CDH18: variants seen among roughly 807,000 people sequenced by gnomAD.
The protein encoded by CDH18 is cadherin 18, also known as cadherin-18.
A neutral mutation model predicts 67.9 loss-of-function variants in CDH18; 31 were observed. That is an observed-to-expected ratio of 0.46 (90% CI 0.34 to 0.62). CDH18 has a LOEUF of 0.62. Ranked by LOEUF, CDH18 falls within the 20% of genes least tolerant of loss-of-function variation. The probability of loss-of-function intolerance (pLI) is 0.01; values close to 1 mark genes in which losing one functional copy is unlikely to be tolerated. For missense variants in CDH18, 890 were observed against 975.5 expected (o/e 0.91, Z 1.17); for synonymous variants, 362 against 347.2 (o/e 1.04, Z -0.48).
intron 2 of CDH18, among the ~76,000 whole-genome samples, chr5:19,867,399 C>A (rs114541300): frequency 0.017 from 2,560 of 152,114 alleles, 65 homozygotes; most frequent in African/African-American, 0.058. Flanking sequence ...AAAGAACACA[C>A]AATAAAGCAA....
chr5:19,883,412 A>T (rs1377395936), intron 2 of CDH18, among the ~76,000 whole-genome samples: 1 of 151,158 alleles, frequency 6.6e-6, no homozygotes, highest in African/African-American at 2.4e-5. Flanking sequence ...TTTTCACACA[A>T]TGACTATCCA....
At chr5:19,531,110 A>G (rs963951130) in intron 9 of CDH18, among the ~76,000 whole-genome samples, 2 of 152,028 alleles carry the variant, frequency 1.3e-5, no homozygotes, top group African/African-American at 4.8e-5. Context: ...CCTCCAATAA[A>G]TTGTAATTTT....
chr5:19,795,284 G>C (rs1776746441), intron 3 of CDH18, among the ~76,000 whole-genome samples: 1 of 152,128 alleles, frequency 6.6e-6, no homozygotes, highest in Non-Finnish European at 1.5e-5. Flanking sequence ...TGGTCCAGAA[G>C]CATGTTTGAC....
chr5:20,297,024 T>G (rs1747592228), intron 1 of CDH18, among the ~76,000 whole-genome samples: 1 of 152,072 alleles, frequency 6.6e-6, no homozygotes, highest in East Asian at 1.9e-4. Flanking sequence ...ATATCTACTT[T>G]ATTATGTTTT....
intron 2 of CDH18, among the ~76,000 whole-genome samples, chr5:20,211,274 C>T (rs1365552383): frequency 6.6e-6 from 1 of 152,092 alleles, no homozygotes; most frequent in African/African-American, 2.4e-5. Flanking sequence ...CTGGGCAGCT[C>T]AATGAGGCCT....
At chr5:19,833,395 G>A (rs1781272245) in intron 3 of CDH18, among the ~76,000 whole-genome samples, 1 of 152,098 alleles carries the variant, frequency 6.6e-6, no homozygotes, top group Non-Finnish European at 1.5e-5. Context: ...TGCTGAAGTT[G>A]CTTACCAGCT....
chr5:19,606,497 A>AT (rs1748065280), intron 6 of CDH18, among the ~76,000 whole-genome samples: 1 of 152,058 alleles, frequency 6.6e-6, no homozygotes, highest in African/African-American at 2.4e-5. Context: ...CCAAATAAAA[A>AT]TTTTAGAACA....
chr5:20,271,708 C>G (rs1004090196), intron 1 of CDH18, among the ~76,000 whole-genome samples: 1 of 152,024 alleles, frequency 6.6e-6, no homozygotes, highest in South Asian at 2.1e-4. Flanking sequence ...GACAAGGAAA[C>G]AGACCTCAGG....
At chr5:20,541,776 C>G (rs1757062319) in intron 1 of CDH18, among the ~76,000 whole-genome samples, 1 of 152,126 alleles carries the variant, frequency 6.6e-6, no homozygotes, top group Non-Finnish European at 1.5e-5. Context: ...ATAAAGAAAT[C>G]AGCAGAGTGT....
At chr5:20,268,494 G>T (rs1275195692) in intron 1 of CDH18, among the ~76,000 whole-genome samples, 1 of 152,092 alleles carries the variant, frequency 6.6e-6, no homozygotes, top group Non-Finnish European at 1.5e-5. Flanking sequence ...TCCTGGCACT[G>T]GTATGTCAAG....
At chr5:20,311,251 G>A (rs558105622) in intron 1 of CDH18, among the ~76,000 whole-genome samples, 88 of 152,186 alleles carry the variant, frequency 5.8e-4, no homozygotes, top group African/African-American at 1.9e-3. Flanking sequence ...TTTCTCCAGC[G>A]TCTAGAACTA....
chr5:20,533,071 G>A (rs1295470074), intron 1 of CDH18, among the ~76,000 whole-genome samples: 2 of 151,990 alleles, frequency 1.3e-5, no homozygotes, highest in Non-Finnish European at 2.9e-5. Flanking sequence ...ATTAACTCAT[G>A]TCAATCAATA....
At chr5:19,843,452 C>T (rs144763900) in intron 2 of CDH18, among the ~76,000 whole-genome samples, 5,378 of 152,136 alleles carry the variant, frequency 0.035, 253 homozygotes, top group African/African-American at 0.1. Flanking sequence ...GGAAACTCCA[C>T]CTAGATTTCA....
intron 2 of CDH18, among the ~76,000 whole-genome samples, chr5:19,979,513 A>G (rs1022143527): frequency 6.6e-6 from 1 of 152,084 alleles, no homozygotes; most frequent in African/African-American, 2.4e-5. Flanking sequence ...TTGGCTGGGG[A>G]AACTTCATAT....
intron 1 of CDH18, among the ~76,000 whole-genome samples, chr5:20,560,912 G>C (rs1440853464): frequency 6.6e-6 from 1 of 151,924 alleles, no homozygotes; most frequent in Non-Finnish European, 1.5e-5. Context: ...CATCCTAAAA[G>C]TCAGCAGTAA....
chr5:20,459,425 G>A (rs1485951353), intron 1 of CDH18, among the ~76,000 whole-genome samples: 2 of 152,152 alleles, frequency 1.3e-5, no homozygotes, highest in African/African-American at 4.8e-5. Flanking sequence ...CTCTGGAAAG[G>A]GGAGCATCCC....
intron 1 of CDH18, among the ~76,000 whole-genome samples, chr5:20,353,390 A>C (rs1439961986): frequency 6.6e-6 from 1 of 152,206 alleles, no homozygotes; most frequent in Non-Finnish European, 1.5e-5. Flanking sequence ...GTTATGCACC[A>C]CTTCCTGTGC....
intron 1 of CDH18, among the ~76,000 whole-genome samples, chr5:20,441,048 T>G (rs1163553683): frequency 2.0e-5 from 3 of 151,902 alleles, no homozygotes; most frequent in African/African-American, 7.3e-5. Flanking sequence ...ATCATAAGAT[T>G]TCACCATGCC....
chr5:19,635,532 A>G (rs144012488), intron 5 of CDH18, among the ~76,000 whole-genome samples: 4 of 152,318 alleles, frequency 2.6e-5, no homozygotes, highest in African/African-American at 9.6e-5. Context: ...CATCTTTGGT[A>G]GTTGCACTGG....
Sources: allele counts gnomAD v4.1 joint callset (sites outside exome capture counted in the v4.1 genomes callset), GRCh38; gene constraint gnomAD v4.1.1; transcripts MANE v1.5; gene names NCBI Gene and HGNC (gene_info 2026-07-23, HGNC 2026-07-21).